The following PACSIN2 variants were observed in gnomAD, a reference collection of about 807,000 sequenced individuals.
The protein encoded by PACSIN2 is protein kinase C and casein kinase substrate in neurons protein 2.
In PACSIN2, 25 loss-of-function variants were observed where a neutral mutation model predicts 63.8. The observed-to-expected ratio is 0.39, with a 90% CI of 0.29 to 0.55. PACSIN2 has a LOEUF of 0.55. Among genes scored for constraint, PACSIN2 ranks in the 20% least tolerant of loss-of-function variants. The probability of loss-of-function intolerance (pLI) is 0.62; values close to 1 mark genes in which losing one functional copy is unlikely to be tolerated. For missense variants in PACSIN2, 518 were observed against 646.9 expected (o/e 0.80, Z 2.16); for synonymous variants, 255 against 256.2 (o/e 1.00, Z 0.05).
At chr22:42,971,367 G>A (rs1273556032) in intron 1 of PACSIN2, among the ~76,000 whole-genome samples, 5 of 152,218 alleles carry the variant, frequency 3.3e-5, no homozygotes, top group South Asian at 2.1e-4. Context: ...GACTGCAGAC[G>A]GAGTCTCGCT....
chr22:42,873,443 G>C (rs376049393), intron 10 of PACSIN2, among the ~76,000 whole-genome samples: 6 of 152,358 alleles, frequency 3.9e-5, no homozygotes, highest in African/African-American at 1.4e-4. Flanking sequence ...CAGCCCAGGG[G>C]AAGAGTGTCT....
intron 1 of PACSIN2, among the ~76,000 whole-genome samples, chr22:42,919,754 CAG>C (rs1241964521): frequency 9.6e-6 from 1 of 103,742 alleles, no homozygotes; most frequent in Non-Finnish European, 1.7e-5. Context: ...GCCTGGGTGA[CAG>C]AGCAAGAACC....
At chr22:42,941,474 A>C (rs1933156398) in intron 1 of PACSIN2, among the ~76,000 whole-genome samples, 1 of 152,204 alleles carries the variant, frequency 6.6e-6, no homozygotes. Context: ...ATTCAGCCAG[A>C]GTGCTTTCCA....
intron 1 of PACSIN2, among the ~76,000 whole-genome samples, chr22:42,997,680 T>C (rs1923504088): frequency 6.6e-6 from 1 of 152,034 alleles, no homozygotes. Flanking sequence ...TGCATGAAAT[T>C]CTCATGTAAA....
chr22:42,943,331 T>C (rs1339713375), intron 1 of PACSIN2, among the ~76,000 whole-genome samples: 1 of 152,214 alleles, frequency 6.6e-6, no homozygotes, highest in Admixed American at 6.5e-5. Context: ...ATGCCATCTT[T>C]GAACAGAGAG....
chr22:42,903,263 G>A (rs565454006), intron 2 of PACSIN2, among the ~76,000 whole-genome samples: 7 of 152,356 alleles, frequency 4.6e-5, no homozygotes, highest in African/African-American at 1.7e-4. Flanking sequence ...TGGGGAGGGT[G>A]TGCGTGTGCC....
intron 1 of PACSIN2, among the ~76,000 whole-genome samples, chr22:42,977,046 A>C (rs2146878088): frequency 6.6e-6 from 1 of 152,344 alleles, no homozygotes; most frequent in Admixed American, 6.5e-5. Flanking sequence ...TTGATTTAGA[A>C]ACCTACTTTA....
intron 1 of PACSIN2, among the ~76,000 whole-genome samples, chr22:42,981,093 G>A (rs1209632627): frequency 6.8e-6 from 1 of 147,704 alleles, no homozygotes; most frequent in African/African-American, 2.5e-5. Flanking sequence ...GTCTCTGCCC[G>A]GCCGCCCATC....
intron 2 of PACSIN2, among the ~76,000 whole-genome samples, 166 bp from the exon 3 acceptor site, chr22:42,893,779 CCTCT>C (rs781371269): frequency 5.7e-4 from 86 of 152,176 alleles, no homozygotes; most frequent in Admixed American, 3.8e-3. Flanking sequence ...AGATAATGAG[CCTCT>C]CTATTTTTAT....
intron 1 of PACSIN2, among the ~76,000 whole-genome samples, chr22:43,000,760 A>G (rs1012260650): frequency 6.6e-6 from 1 of 152,256 alleles, no homozygotes; most frequent in Non-Finnish European, 1.5e-5. Context: ...AAGAAGCATT[A>G]AAGAAAATAA....
At chr22:42,876,818 C>T in intron 9 of PACSIN2, 70 bp downstream of exon 9, 1 of 1,580,122 alleles carries the variant, frequency 6.3e-7, no homozygotes, top group Middle Eastern at 1.7e-4. Flanking sequence ...GGGTGAGACC[C>T]CTGGACAGAG....
intron 1 of PACSIN2, among the ~76,000 whole-genome samples, chr22:42,919,794 A>AAAAAAG (rs1932060166): frequency 4.8e-5 from 5 of 105,240 alleles, no homozygotes; most frequent in African/African-American, 2.4e-4. Flanking sequence ...AAAAAAAAAA[A>AAAAAAG]AAAGAAAGAA....
intron 2 of PACSIN2, among the ~76,000 whole-genome samples, chr22:42,911,572 T>G (rs1016746792): frequency 6.6e-6 from 1 of 152,120 alleles, no homozygotes; most frequent in Non-Finnish European, 1.5e-5. Flanking sequence ...TCCAGCAAGT[T>G]TGAAGGCATT....
At chr22:42,934,066 T>TAACACAATGTC (rs1469578430) in intron 1 of PACSIN2, among the ~76,000 whole-genome samples, 3 of 152,236 alleles carry the variant, frequency 2.0e-5, no homozygotes, top group African/African-American at 7.2e-5. Context: ...TCCAGGCTTT[T>TAACACAATGTC]TCCCCATTGG....
chr22:42,989,867 A>T (rs6002994), intron 1 of PACSIN2, among the ~76,000 whole-genome samples: 2,696 of 125,124 alleles, frequency 0.022, 26 homozygotes, highest in Admixed American at 0.026. Context: ...GGGAAAAAAA[A>T]ATATATATAT....
intron 1 of PACSIN2, among the ~76,000 whole-genome samples, chr22:42,924,702 G>T (rs1932419320): frequency 6.6e-6 from 1 of 151,902 alleles, no homozygotes; most frequent in African/African-American, 2.4e-5. Flanking sequence ...TCCCTGAAAT[G>T]GTCTCCCTCC....
intron 2 of PACSIN2, among the ~76,000 whole-genome samples, chr22:42,903,052 A>C (rs1930809614): frequency 6.6e-6 from 1 of 152,192 alleles, no homozygotes; most frequent in African/African-American, 2.4e-5. Flanking sequence ...CGCATTCCTG[A>C]GAGAGTCACA....
chr22:42,997,101 C>CAAA (rs1923457531), intron 1 of PACSIN2, among the ~76,000 whole-genome samples: 1 of 152,224 alleles, frequency 6.6e-6, no homozygotes. Flanking sequence ...CCCTCCCGCC[C>CAAA]ACTGAGGCTG....
intron 1 of PACSIN2, among the ~76,000 whole-genome samples, chr22:42,988,355 G>A (rs1417538032): frequency 6.6e-6 from 1 of 152,202 alleles, no homozygotes; most frequent in Non-Finnish European, 1.5e-5. Flanking sequence ...GCACGTCATG[G>A]CCAGAGCAGG....
Sources: gnomAD v4.1 joint callset for allele counts (sites outside exome capture counted in the v4.1 genomes callset) on GRCh38, gnomAD v4.1.1 for gene constraint, MANE v1.5 for transcripts, NCBI Gene and HGNC (gene_info 2026-07-23, HGNC 2026-07-21) for gene names.